SGPP2: variants seen among roughly 807,000 people sequenced by gnomAD.
SGPP2 encodes sphingosine-1-phosphate phosphatase 2.
A neutral mutation model predicts 33.9 loss-of-function variants in SGPP2; 30 were observed. The observed-to-expected ratio is 0.89, with a 90% CI of 0.66 to 1.20. SGPP2 has a LOEUF of 1.20. Ranked by LOEUF, SGPP2 falls within the 50% of genes most tolerant of loss-of-function variation. The pLI, the probability that SGPP2 is intolerant of heterozygous loss-of-function variation, is 0.00. For missense variants in SGPP2, 458 were observed against 532.1 expected (o/e 0.86, Z 1.37); for synonymous variants, 233 against 225.0 (o/e 1.04, Z -0.32).
At position 222,450,958 on chromosome 2, in the gene SGPP2, C is replaced by T. The variant is rs1030463102; in HGVS notation, c.220-23610C>T. On this transcript the variant is annotated intron_variant, in intron 1 of 4. Transcript: ENST00000321276. The stretch of plus-strand genomic sequence containing the variant: ...CTTTTTTTTAACTATTTAATGTTTA[C>T]TTCATATTGATTTATAAACAACAAC... Among the ~76,000 whole-genome samples the T allele has an allele frequency of 2.0e-5, 3 of 151,994 alleles. No homozygotes were observed. The South Asian group carries it at 6.2e-4, about 32-fold the overall frequency.
rs1239978770 is a variant in SGPP2, at chr2:222,562,039, G to A, written c.*3141G>A. ...CCCCTACTGGTTTGGCTTCAGTCTA[G>A]GTCCACCATCCCTCTCGATCTGGCA... On this transcript the variant is annotated 3_prime_UTR_variant, in exon 5 of 5. Coordinates refer to ENST00000321276, the MANE Select transcript of SGPP2 (RefSeq NM_152386.4). 6.6e-6 allele frequency among the ~76,000 whole-genome samples: 1 copy of A among 152,100 alleles called. No homozygotes were observed. Among genetic ancestry groups the A allele is most frequent in the Non-Finnish European group, 1.5e-5 (1 of 68,008 alleles).
At chr2:222,470,159 AATGC>A (rs1356905959) in intron 1 of SGPP2, among the ~76,000 whole-genome samples, 1 of 152,144 alleles carries the variant, frequency 6.6e-6, no homozygotes, top group Non-Finnish European at 1.5e-5. Flanking sequence ...GCAAATACCT[AATGC>A]ATGCGGGGCT....
At chr2:222,484,378 T>C (rs950791616) in intron 2 of SGPP2, among the ~76,000 whole-genome samples, 1 of 152,358 alleles carries the variant, frequency 6.6e-6, no homozygotes, top group Admixed American at 6.5e-5. Flanking sequence ...GGATCATTTC[T>C]GATGCTTCAT....
rs1697642385 is a variant in SGPP2 at position 222,460,496 on chromosome 2, A to G, written c.220-14072A>G. On this transcript the variant is annotated intron_variant, in intron 1 of 4. Transcript: ENST00000321276. The surrounding 1 kb of genome is among the most constrained non-coding windows in gnomAD (Gnocchi z 4.3). ...TACATTTGAATCTGAAAAACAATGC[A>G]AAATTACTTAGAAAAGACAAGAATG... Among the ~76,000 whole-genome samples the G allele has an allele frequency of 6.6e-6, 1 of 152,182 alleles. No individual in the cohort carries two copies. Among genetic ancestry groups the G allele is most frequent in the Non-Finnish European group, 1.5e-5 (1 of 68,040 alleles).
intron 1 of SGPP2, among the ~76,000 whole-genome samples, chr2:222,471,031 T>G (rs2106093129): frequency 6.6e-6 from 1 of 152,348 alleles, no homozygotes; most frequent in Non-Finnish European, 1.5e-5. Context: ...CTACACTTCC[T>G]TATCTAATTC....
In SGPP2 at chr2:222,559,033, T is replaced by C. The variant is rs1689474679; in HGVS notation, c.*135T>C. The C allele has an allele frequency of 1.3e-6, 1 of 773,516 alleles. No homozygotes were observed. The highest frequency in any genetic ancestry group is 1.9e-5 in the South Asian group (1 of 53,654). 47.9% of individuals were successfully genotyped at this position (773,516 alleles called of 1,614,324 possible). ...ATACGGCTGTCTTGCTACTACCAGA[T>C]AAATGATGCTGCTGTGTGAAAGGAA... is the stretch of plus-strand genomic sequence containing the variant. On this transcript the variant is annotated 3_prime_UTR_variant, in exon 5 of 5. Coordinates refer to ENST00000321276, the MANE Select transcript of SGPP2 (RefSeq NM_152386.4).
At chr2:222,552,192 G>T (rs36087439) in intron 4 of SGPP2, among the ~76,000 whole-genome samples, 1 of 151,906 alleles carries the variant, frequency 6.6e-6, no homozygotes, top group Non-Finnish European at 1.5e-5. Flanking sequence ...TATCTTTTTC[G>T]TATAATGACT....
intron 4 of SGPP2, among the ~76,000 whole-genome samples, chr2:222,531,390 G>A (rs555510198): frequency 6.6e-6 from 1 of 152,284 alleles, no homozygotes; most frequent in South Asian, 2.1e-4. Context: ...GATGAGCCTT[G>A]AAGACATTAT....
Position 222,460,108 on chromosome 2 carries a change from CG to C in SGPP2, c.220-14456del, listed in dbSNP as rs1697636455. 6.6e-6 allele frequency among the ~76,000 whole-genome samples: 1 copy of C among 152,174 alleles called. No individual in the cohort carries two copies. The highest frequency in any genetic ancestry group is 1.9e-4 in the East Asian group (1 of 5,200). ...AAAACCCAGGGCCTCCGGGTTTGCT[CG>C]GGGTGGGCATTGCACAGCCTGTGGC... On this transcript the variant is annotated intron_variant, in intron 1 of 4. Coordinates refer to ENST00000321276, the MANE Select transcript of SGPP2 (RefSeq NM_152386.4). The surrounding 1 kb of genome is among the most constrained non-coding windows in gnomAD (Gnocchi z 4.3).
At chr2:222,486,780 T>C (rs999081200) in intron 2 of SGPP2, among the ~76,000 whole-genome samples, 2 of 152,248 alleles carry the variant, frequency 1.3e-5, no homozygotes, top group Non-Finnish European at 2.9e-5. Flanking sequence ...TCCAGAATCC[T>C]GGCTATGAAC....
intron 4 of SGPP2, among the ~76,000 whole-genome samples, chr2:222,543,432 C>A (rs74949566): frequency 0.038 from 5,795 of 152,236 alleles, 221 homozygotes; most frequent in African/African-American, 0.099. Flanking sequence ...CAGGTAGTAC[C>A]AAACCCTATA....
At chr2:222,468,667 C>CT in intron 1 of SGPP2, among the ~76,000 whole-genome samples, 1 of 152,160 alleles carries the variant, frequency 6.6e-6, no homozygotes, top group African/African-American at 2.4e-5. Flanking sequence ...TTTAGGACTC[C>CT]TTTGTATGTG....
At position 222,499,578 on chromosome 2, in the gene SGPP2, G is replaced by A. The variant is rs76974226; in HGVS notation, c.379-22189G>A. The stretch of plus-strand genomic sequence containing the variant: ...GAAGCCTTATTGCCAAAGAGGAGGA[G>A]GAAGCAGAAAAGAGGACGTGTTGGG... On this transcript the variant is annotated intron_variant, in intron 2 of 4. Transcript: ENST00000321276. Among the ~76,000 whole-genome samples, 1,236 of 152,256 alleles carry A rather than the reference G, an allele frequency of 8.1e-3. 17 individuals are homozygous for A. Among genetic ancestry groups the A allele is most frequent in the African/African-American group, 0.028 (1,175 of 41,550 alleles).
intron 2 of SGPP2, among the ~76,000 whole-genome samples, chr2:222,487,014 G>T (rs1401057001): frequency 6.6e-6 from 1 of 152,056 alleles, no homozygotes; most frequent in Admixed American, 6.5e-5. Context: ...TCTGTCCTTT[G>T]TTGTGTTTGA....
chr2:222,488,803 G>A (rs1284329101), intron 2 of SGPP2, among the ~76,000 whole-genome samples: 1 of 152,130 alleles, frequency 6.6e-6, no homozygotes, highest in Non-Finnish European at 1.5e-5. Context: ...TTCATTGTTT[G>A]CATAGCATAT....
At chr2:222,528,092 A>G (rs986018063) in intron 4 of SGPP2, among the ~76,000 whole-genome samples, 14 of 152,192 alleles carry the variant, frequency 9.2e-5, no homozygotes, top group African/African-American at 2.4e-4. Flanking sequence ...CACAATCTCT[A>G]GGGAATGTCT....
intron 1 of SGPP2, among the ~76,000 whole-genome samples, chr2:222,426,090 G>A (rs1412042175): frequency 1.3e-5 from 2 of 151,076 alleles, no homozygotes; most frequent in African/African-American, 4.9e-5. Flanking sequence ...GTGGTGGTGC[G>A]GCCTGTAGTT....
In SGPP2 at chr2:222,561,532, T is replaced by TCA. The variant is rs201056361; in HGVS notation, c.*2634_*2635insCA. Among the ~76,000 whole-genome samples, 86 of 138,692 alleles carry TCA rather than the reference T, an allele frequency of 6.2e-4. No individual in the cohort carries two copies. Among genetic ancestry groups the TCA allele is most frequent in the African/African-American group, 2.0e-3 (78 of 39,880 alleles). The allele number at this position is 138,692 out of a possible 152,430, so 91.0% of individuals were successfully genotyped here. A position where few individuals can be genotyped will look rare whatever the true frequency, so the allele number is the denominator to read the frequency against. On this transcript the variant is annotated 3_prime_UTR_variant, in exon 5 of 5. Coordinates refer to ENST00000321276, the MANE Select transcript of SGPP2 (RefSeq NM_152386.4). ...TCATATATATGATATATATATATCA[T>TCA]TTTATATATATATATATATCATATA...
intron 1 of SGPP2, chr2:222,453,105 A>C: frequency 1.3e-6 from 1 of 777,192 alleles, no homozygotes; most frequent in Non-Finnish European, 2.2e-6. Flanking sequence ...TGGTAGGAGA[A>C]TCAGGACTAT....
Sources: gnomAD v4.1 joint callset for allele counts (sites outside exome capture counted in the v4.1 genomes callset) on GRCh38, gnomAD v4.1.1 for gene constraint, Gnocchi (gnomAD v3.1) non-coding constraint, MANE v1.5 for transcripts, NCBI Gene and HGNC (gene_info 2026-07-23, HGNC 2026-07-21) for gene names.